Variants in PTPRD observed in about 807,000 individuals in gnomAD.
The protein encoded by PTPRD is receptor-type tyrosine-protein phosphatase delta.
PTPRD carries 34 observed loss-of-function variants against 214.5 expected under a neutral mutation model. That is an observed-to-expected ratio of 0.16 (90% CI 0.12 to 0.21). PTPRD has a LOEUF of 0.21. Ranked by LOEUF, PTPRD falls within the 10% of genes least tolerant of loss-of-function variation. The pLI is 1.00. For synonymous variants in PTPRD, 1,128 were observed against 845.7 expected (o/e 1.33, Z -5.79); for missense variants, 2,545 against 2,398.7 (o/e 1.06, Z -1.27).
chr9:9,571,590 T>C (rs1275327599), intron 8 of PTPRD, among the ~76,000 whole-genome samples: 2 of 151,188 alleles, frequency 1.3e-5, no homozygotes, highest in African/African-American at 2.4e-5. Context: ...TAATATCATA[T>C]GGAAATAAAT....
intron 4 of PTPRD, among the ~76,000 whole-genome samples, chr9:10,024,896 G>A (rs1003609675): frequency 9.3e-5 from 14 of 149,890 alleles, no homozygotes; most frequent in Non-Finnish European, 1.6e-4. Flanking sequence ...TTTTCTGTCC[G>A]TGCGATAGTT....
chr9:10,222,931 G>A (rs1327179182), intron 3 of PTPRD, among the ~76,000 whole-genome samples: 2 of 152,052 alleles, frequency 1.3e-5, no homozygotes, highest in African/African-American at 2.4e-5. Context: ...GTGTTTGGTG[G>A]AGGGCAGTGG....
At chr9:8,337,863 A>G (rs1225682088) in intron 43 of PTPRD, among the ~76,000 whole-genome samples, 1 of 149,044 alleles carries the variant, frequency 6.7e-6, no homozygotes, top group Non-Finnish European at 1.5e-5. Flanking sequence ...TCAAATTCTG[A>G]AAGAGCACTA....
At chr9:10,360,221 C>G (rs997436484) in intron 2 of PTPRD, among the ~76,000 whole-genome samples, 1 of 152,236 alleles carries the variant, frequency 6.6e-6, no homozygotes, top group South Asian at 2.1e-4. Flanking sequence ...AGGCCAGTCA[C>G]TCAGAGCAAG....
chr9:8,674,242 A>AC (rs1365591802), intron 12 of PTPRD, among the ~76,000 whole-genome samples: 4 of 152,014 alleles, frequency 2.6e-5, no homozygotes, highest in Admixed American at 1.3e-4. Flanking sequence ...GGCAGATCAC[A>AC]AAGTCAAGAG....
At chr9:9,212,928 A>C (rs1446656169) in intron 9 of PTPRD, among the ~76,000 whole-genome samples, 1 of 152,174 alleles carries the variant, frequency 6.6e-6, no homozygotes, top group Non-Finnish European at 1.5e-5. Flanking sequence ...TTGGTTTATC[A>C]CTGTAACTTA....
intron 12 of PTPRD, among the ~76,000 whole-genome samples, chr9:8,637,582 G>A (rs997073861): frequency 1.3e-5 from 2 of 152,274 alleles, no homozygotes; most frequent in East Asian, 1.9e-4. Context: ...TCCTTTAAAT[G>A]TTCCTAACAT....
At chr9:9,455,222 T>G (rs10977771) in intron 8 of PTPRD, among the ~76,000 whole-genome samples, 22 of 151,392 alleles carry the variant, frequency 1.5e-4, no homozygotes, top group Non-Finnish European at 2.7e-4. Flanking sequence ...ACAGATATAT[T>G]AGATGACATT....
chr9:10,085,032 G>C (rs1269255142), intron 3 of PTPRD, among the ~76,000 whole-genome samples: 1 of 151,878 alleles, frequency 6.6e-6, no homozygotes, highest in African/African-American at 2.4e-5. Flanking sequence ...TTAAAGTAAA[G>C]GATGTCCTCT....
intron 10 of PTPRD, among the ~76,000 whole-genome samples, chr9:9,075,582 C>G (rs1034076719): frequency 1.3e-5 from 2 of 151,928 alleles, no homozygotes; most frequent in African/African-American, 4.8e-5. Flanking sequence ...CACAACAGGC[C>G]CTGATGTGTG....
At chr9:8,836,077 C>A (rs1015213212) in intron 11 of PTPRD, among the ~76,000 whole-genome samples, 1 of 152,138 alleles carries the variant, frequency 6.6e-6, no homozygotes, top group African/African-American at 2.4e-5. Flanking sequence ...TTCAGAGCAA[C>A]ATCGTCCGAA....
chr9:10,440,700 C>T (rs111912720), intron 2 of PTPRD, among the ~76,000 whole-genome samples: 2,136 of 151,618 alleles, frequency 0.014, 38 homozygotes, highest in African/African-American at 0.047. Flanking sequence ...CCTCGAGAGC[C>T]AATAATATGA....
intron 14 of PTPRD, among the ~76,000 whole-genome samples, chr9:8,599,855 G>A (rs1207495906): frequency 1.3e-5 from 2 of 151,940 alleles, no homozygotes; most frequent in South Asian, 2.1e-4. Context: ...TACCTCAGAT[G>A]ATCCACCAGC....
intron 10 of PTPRD, among the ~76,000 whole-genome samples, chr9:9,178,111 A>C (rs1484827750): frequency 6.6e-6 from 1 of 152,092 alleles, no homozygotes; most frequent in Non-Finnish European, 1.5e-5. Flanking sequence ...TATAAGGAAG[A>C]CTTTTCTTGT....
chr9:8,580,158 G>A (rs906064195), intron 14 of PTPRD, among the ~76,000 whole-genome samples: 3 of 152,180 alleles, frequency 2.0e-5, no homozygotes, highest in African/African-American at 7.2e-5. Flanking sequence ...TTTATGGAAA[G>A]TGTTATCAGT....
intron 3 of PTPRD, among the ~76,000 whole-genome samples, chr9:10,087,212 T>C (rs1384513206): frequency 6.6e-6 from 1 of 151,600 alleles, no homozygotes; most frequent in Non-Finnish European, 1.5e-5. Context: ...TACACTTTTC[T>C]TAAACTAAAC....
intron 43 of PTPRD, 131 bp downstream of exon 43, chr9:8,338,791 T>A: frequency 1.2e-6 from 1 of 806,002 alleles, no homozygotes; most frequent in Non-Finnish European, 1.8e-6. Flanking sequence ...AAAAAAACGT[T>A]CTCCAGAATG....
chr9:8,794,026 C>T (rs572352214), intron 11 of PTPRD, among the ~76,000 whole-genome samples: 4 of 152,248 alleles, frequency 2.6e-5, no homozygotes, highest in East Asian at 3.9e-4. Flanking sequence ...ACTAAAGAAA[C>T]GTCTTACTTG....
At chr9:8,474,942 C>T (rs1014919665) in intron 30 of PTPRD, among the ~76,000 whole-genome samples, 1 of 152,128 alleles carries the variant, frequency 6.6e-6, no homozygotes, top group African/African-American at 2.4e-5. Context: ...TACTCCTTCT[C>T]TCTCATATAT....
Sources: allele counts gnomAD v4.1 joint callset (sites outside exome capture counted in the v4.1 genomes callset), GRCh38; gene constraint gnomAD v4.1.1; transcripts MANE v1.5; gene names NCBI Gene and HGNC (gene_info 2026-07-23, HGNC 2026-07-21).